TMX2: variants seen among roughly 807,000 people sequenced by gnomAD.
The protein encoded by TMX2 is thioredoxin related transmembrane protein 2, also known as thioredoxin-related transmembrane protein 2.
Under a neutral mutation model 33.4 loss-of-function variants are expected in TMX2, and 20 were observed. The ratio of observed to expected loss-of-function variants is 0.60; its 90% confidence interval spans 0.42 to 0.87. TMX2 has a LOEUF of 0.87. TMX2 is among the 40% of genes least tolerant of loss of function. TMX2 has a pLI of 0.00. For missense variants in TMX2, 340 were observed against 370.7 expected, an observed-to-expected ratio of 0.92 and a Z score of 0.68; for synonymous variants, 166 against 140.7, an observed-to-expected ratio of 1.18 and a Z score of -1.27.
chr11:57,724,091 T>C (rs1299469444), intron 1 of TMX2, among the ~76,000 whole-genome samples: 1 of 152,046 alleles, frequency 6.6e-6, no homozygotes, highest in East Asian at 1.9e-4. Context: ...TAGTGGATTG[T>C]GAAAATAACT....
chr11:57,723,260 AC>A (rs950960382), intron 1 of TMX2, among the ~76,000 whole-genome samples: 3 of 151,996 alleles, frequency 2.0e-5, no homozygotes, highest in African/African-American at 7.2e-5. Context: ...CGGATGGATC[AC>A]CTGAGGTCAG....
At chr11:57,718,007 G>T in intron 1 of TMX2, 1 of 815,506 alleles carries the variant, frequency 1.2e-6, no homozygotes, top group Non-Finnish European at 2.1e-6. Context: ...AGAAGGAATG[G>T]TCTGGTGGTG....
At position 57,717,304 on chromosome 11, in the gene TMX2, G is replaced by A. The variant is rs542699752; in HGVS notation, c.189+4497G>A. The stretch of plus-strand genomic sequence containing the variant: ...CTCCTCACTTCCCAGACAGGGTGGC[G>A]GCCGGGCAGAGGCTGCAATCTCGGC... On this transcript the variant is annotated intron_variant, in intron 1 of 7. Coordinates refer to ENST00000278422, the MANE Select transcript of TMX2 (RefSeq NM_015959.4). Among the ~76,000 whole-genome samples, 67 of 152,244 alleles carry A rather than the reference G, an allele frequency of 4.4e-4. 1 individual carries two copies. In the East Asian group the frequency reaches 0.011, roughly 26 times the overall value.
At chr11:57,740,061 C>G (rs374269347) in intron 7 of TMX2, 38 bp from the exon 8 acceptor site, 1 of 1,613,396 alleles carries the variant, frequency 6.2e-7, no homozygotes, top group East Asian at 2.2e-5. Context: ...ACTCTCCCTT[C>G]CAACCCAGAT....
At position 57,739,188 on chromosome 11, in the gene TMX2, A is replaced by G. The variant is rs200561092; in HGVS notation, c.672A>G (p.Gln224=). ...AACTCCCTACCCTGATCCTGTTCCA[A>G]GGTGGCAAGGAGGCAATGCGGCGGC... is the stretch of plus-strand genomic sequence containing the variant. ...TKQLPTLILF[Q]GGKEAMRRPQ... Residue 224 remains glutamine, a synonymous_variant, in exon 7 of 8, where the codon CAA becomes CAG. Transcript: ENST00000278422. 12 of 1,614,086 alleles carry G rather than the reference A, an allele frequency of 7.4e-6. No homozygotes were observed. Among genetic ancestry groups the G allele is most frequent in the Non-Finnish European group, 1.0e-5 (12 of 1,180,024 alleles).
chr11:57,732,870 G>C lies in TMX2; in HGVS notation c.190-4738G>C, dbSNP rs150778731. ...GAAAGTCCTAACCTGCTAATCATGC[G>C]GTGTCCTTAGGCCATATGGTCCTTG... On this transcript the variant is annotated intron_variant, in intron 1 of 7. Transcript: ENST00000278422. Among the ~76,000 whole-genome samples, 64 of 152,190 alleles carry C rather than the reference G, an allele frequency of 4.2e-4. 1 individual carries two copies. The highest frequency in any genetic ancestry group is 8.1e-4 in the Non-Finnish European group (55 of 68,014).
At chr11:57,739,287 G>A (rs1948939325) in intron 7 of TMX2, 27 bp downstream of exon 7, 2 of 1,613,530 alleles carry the variant, frequency 1.2e-6, no homozygotes, top group Admixed American at 1.7e-5. Flanking sequence ...GCAGGTGCAT[G>A]AAGGGTGCAG....
At chr11:57,734,088 C>T (rs1275278918) in intron 1 of TMX2, among the ~76,000 whole-genome samples, 1 of 125,712 alleles carries the variant, frequency 8.0e-6, no homozygotes, top group African/African-American at 2.9e-5. Flanking sequence ...AGGAGAATGG[C>T]GTGAACCTGG....
At chr11:57,739,076 A>G (rs367780698) in intron 6 of TMX2, 37 bp downstream of exon 6, 128 of 1,614,052 alleles carry the variant, frequency 7.9e-5, no homozygotes, top group Admixed American at 1.5e-4. Flanking sequence ...TGAGCAGGGA[A>G]ATCACTTTGA....
intron 1 of TMX2, chr11:57,718,668 T>TG (rs1386363178): frequency 9.1e-6 from 3 of 330,296 alleles, no homozygotes; most frequent in Non-Finnish European, 1.7e-5. Context: ...TTTTTTTTTT[T>TG]TTTTTGAGAT....
At chr11:57,739,614 G>T (rs1347086119) in intron 7 of TMX2, among the ~76,000 whole-genome samples, 1 of 152,088 alleles carries the variant, frequency 6.6e-6, no homozygotes, top group African/African-American at 2.4e-5. Flanking sequence ...AAAAATAGCC[G>T]AGTGTGGTGG....
chr11:57,738,872 G>A, intron 5 of TMX2, 102 bp downstream of exon 5: 1 of 1,524,984 alleles, frequency 6.6e-7, no homozygotes, highest in Non-Finnish European at 9.1e-7. Flanking sequence ...TTTCACACAT[G>A]GTAACCAAAG....
rs960444778 is a variant in TMX2 at position 57,738,676 on chromosome 11, C to A, written c.454C>A (p.Arg152=). 1.2e-6 allele frequency: 2 copies of A among 1,613,638 alleles called. No homozygotes were observed. The highest frequency in any genetic ancestry group is 1.7e-6 in the Non-Finnish European group (2 of 1,179,952). ...NDKTIDEELE[R]DKRVTWIVEF... is the part of the protein sequence containing the mutation. The stretch of plus-strand genomic sequence containing the variant: ...CTGTATTTGGCAGGAGGAACTAGAA[C>A]GGGACAAGAGGGTCACTTGGATTGT... Residue 152 remains arginine, a synonymous_variant, in exon 5 of 8, where the codon CGG becomes AGG. Transcript: ENST00000278422.
At chr11:57,721,484 T>C (rs1947630555) in intron 1 of TMX2, among the ~76,000 whole-genome samples, 1 of 151,510 alleles carries the variant, frequency 6.6e-6, no homozygotes, top group Non-Finnish European at 1.5e-5. Context: ...GCCCAGCTAA[T>C]TTTGTATTTT....
intron 1 of TMX2, among the ~76,000 whole-genome samples, chr11:57,713,358 T>A (rs1946758454): frequency 6.6e-6 from 1 of 152,140 alleles, no homozygotes; most frequent in South Asian, 2.1e-4. Flanking sequence ...GAGTGTACAC[T>A]CTAGGCACTC....
At chr11:57,731,781 A>T (rs1283097128) in intron 1 of TMX2, among the ~76,000 whole-genome samples, 1 of 152,056 alleles carries the variant, frequency 6.6e-6, no homozygotes, top group Non-Finnish European at 1.5e-5. Flanking sequence ...TATTTTGGGG[A>T]CCCACAGCAC....
In TMX2 at chr11:57,739,164, A is replaced by G. The variant is rs780487378; in HGVS notation, c.648A>G (p.Gln216=). 1.9e-6 allele frequency: 3 copies of G among 1,613,808 alleles called. No individual in the cohort carries two copies. The highest frequency in any genetic ancestry group is 2.2e-5 in the East Asian group (1 of 44,852). ...YKVSTSPLTK[Q]LPTLILFQGG... ...TGAGCACATCACCCCTCACCAAGCA[A>G]CTCCCTACCCTGATCCTGTTCCAAG... The change falls in exon 7 of 8, where the codon CAA becomes CAG. Residue 216 remains glutamine (Q), a synonymous_variant. Coordinates refer to ENST00000278422, the MANE Select transcript of TMX2 (RefSeq NM_015959.4).
At chr11:57,716,778 T>A (rs1336138269) in intron 1 of TMX2, among the ~76,000 whole-genome samples, 5 of 121,478 alleles carry the variant, frequency 4.1e-5, no homozygotes, top group African/African-American at 6.3e-5. Context: ...CACTTCCCAG[T>A]AGGGGCGGCT....
At chr11:57,733,094 A>G (rs1430553841) in intron 1 of TMX2, among the ~76,000 whole-genome samples, 1 of 152,162 alleles carries the variant, frequency 6.6e-6, no homozygotes, top group Admixed American at 6.6e-5. Flanking sequence ...ATGGTATTAT[A>G]ATCTTATGGG....
Sources: allele counts gnomAD v4.1 joint callset (sites outside exome capture counted in the v4.1 genomes callset), GRCh38; gene constraint gnomAD v4.1.1; transcripts MANE v1.5; gene names NCBI Gene and HGNC (gene_info 2026-07-23, HGNC 2026-07-21).